CREG2: variants seen among roughly 807,000 people sequenced by gnomAD.
CREG2 encodes the protein cellular repressor of E1A stimulated genes 2.
CREG2 carries 24 observed loss-of-function variants against 26.2 expected under a neutral mutation model. The observed-to-expected ratio is 0.92, with a 90% CI of 0.66 to 1.29. The LOEUF (loss-of-function observed/expected upper bound fraction) is 1.29. Ranked by LOEUF, CREG2 falls within the 50% of genes most tolerant of loss-of-function variation. The probability of loss-of-function intolerance (pLI) is 0.00; values close to 1 mark genes in which losing one functional copy is unlikely to be tolerated. For synonymous variants in CREG2, 174 were observed against 169.2 expected, an observed-to-expected ratio of 1.03 and a Z score of -0.22; for missense variants, 366 against 398.6, an observed-to-expected ratio of 0.92 and a Z score of 0.70.
At chr2:101,363,895 C>T (rs2104475328) in intron 2 of CREG2, among the ~76,000 whole-genome samples, 1 of 151,906 alleles carries the variant, frequency 6.6e-6, no homozygotes, top group African/African-American at 2.4e-5. Context: ...GACACACACA[C>T]AGGAAGAAAG....
chr2:101,379,430 C>T (rs1191874104), intron 2 of CREG2, among the ~76,000 whole-genome samples: 1 of 152,228 alleles, frequency 6.6e-6, no homozygotes, highest in Non-Finnish European at 1.5e-5. Flanking sequence ...GAAATTACAT[C>T]TGCTGAGCAT....
intron 2 of CREG2, among the ~76,000 whole-genome samples, chr2:101,366,605 C>T (rs1018765879): frequency 6.6e-6 from 1 of 152,050 alleles, no homozygotes; most frequent in African/African-American, 2.4e-5. Context: ...GACGGATCAC[C>T]TGAGGTCAGG....
At position 101,387,428 on chromosome 2, in the gene CREG2, C is replaced by T. The variant is rs1328076591; in HGVS notation, c.30G>A (p.Ala10=). 71 of 1,246,078 alleles carry T rather than the reference C, an allele frequency of 5.7e-5. 1 individual carries two copies. In the East Asian group the frequency reaches 2.1e-3, roughly 37 times the overall value. The allele number at this position is 1,246,078 out of a possible 1,614,324, so 77.2% of individuals were successfully genotyped here. ...GCCAGGAGAGGCGGGTCCCCGGCCG[C>T]GCCGGCCGCCGGCCGCGGCGCACGG... is the stretch of plus-strand genomic sequence containing the variant. MSVRRGRRP[A]RPGTRLSWLL... Residue 10 remains alanine (A), a synonymous_variant, in exon 1 of 4, where the codon GCG becomes GCA. Transcript: ENST00000324768. The surrounding 1 kb of genome is among the most constrained non-coding windows in gnomAD (Gnocchi z 4.7).
At chr2:101,376,283 CT>C (rs11325970) in intron 2 of CREG2, among the ~76,000 whole-genome samples, 142,601 of 146,748 alleles carry the variant, frequency 0.97, 69,429 homozygotes, top group Non-Finnish European at 1. Context: ...TTTTCTTTTT[CT>C]TTTTTTTTTT....
chr2:101,351,621 G>A (rs997470680), intron 3 of CREG2, among the ~76,000 whole-genome samples: 4 of 152,178 alleles, frequency 2.6e-5, no homozygotes, highest in African/African-American at 9.7e-5. Flanking sequence ...AGCTACTGAG[G>A]CAGGTGAGAG....
At chr2:101,366,126 A>G (rs900239516) in intron 2 of CREG2, among the ~76,000 whole-genome samples, 42 of 152,164 alleles carry the variant, frequency 2.8e-4, no homozygotes, top group Non-Finnish European at 5.3e-4. Context: ...TAGGAAAACC[A>G]TAAAAGAAAA....
At chr2:101,358,040 C>A (rs1300035722) in intron 2 of CREG2, among the ~76,000 whole-genome samples, 1 of 151,252 alleles carries the variant, frequency 6.6e-6, no homozygotes, top group Non-Finnish European at 1.5e-5. Context: ...GTCTCCCAGG[C>A]TGGAGTGCAG....
intron 2 of CREG2, among the ~76,000 whole-genome samples, chr2:101,374,711 A>T (rs1390838878): frequency 1.3e-5 from 2 of 152,338 alleles, no homozygotes; most frequent in East Asian, 3.9e-4. Flanking sequence ...TGACTGAATG[A>T]ATAGAGTGCT....
At chr2:101,360,419 G>A (rs1684521783) in intron 2 of CREG2, among the ~76,000 whole-genome samples, 1 of 152,126 alleles carries the variant, frequency 6.6e-6, no homozygotes, top group Non-Finnish European at 1.5e-5. Context: ...AGAAAAATAT[G>A]TGCTGTGTGG....
Position 101,387,124 on chromosome 2 carries a change from G to A in CREG2, c.334C>T (p.Gln112Ter). The A allele has an allele frequency of 3.2e-6, 4 of 1,245,706 alleles. No individual in the cohort carries two copies. The highest frequency in any genetic ancestry group is 1.6e-5 in the African/African-American group (1 of 64,406). The allele number at this position is 1,245,706 out of a possible 1,614,324, so 77.2% of individuals were successfully genotyped here. A position where few individuals can be genotyped will look rare whatever the true frequency, so the allele number is the denominator to read the frequency against. The stretch of plus-strand genomic sequence containing the variant: ...GGGCCCGGGGGCGCACTGGCCGTCT[G>A]GCCGCCCTCGCGCCGGTAGGAGAAC... ...GMFSYRREGG[Q>*]TASAPPGPRL... Residue 112 changes from glutamine (Q) to a stop codon, truncating the protein, a stop_gained, in exon 1 of 4, where the codon CAG becomes TAG. Transcript: ENST00000324768. LOFTEE classifies it high-confidence loss of function. This position sits in a 1 kb window ranked among gnomAD's most constrained non-coding sequence, Gnocchi z 4.7.
chr2:101,378,730 C>T (rs925563700), intron 2 of CREG2, among the ~76,000 whole-genome samples: 1 of 152,098 alleles, frequency 6.6e-6, no homozygotes, highest in Non-Finnish European at 1.5e-5. Flanking sequence ...CAACTTTGTT[C>T]CACAGAAATC....
At chr2:101,361,982 T>C (rs1471046247) in intron 2 of CREG2, among the ~76,000 whole-genome samples, 4 of 152,090 alleles carry the variant, frequency 2.6e-5, no homozygotes, top group Non-Finnish European at 4.4e-5. Context: ...TCCACTTCCC[T>C]CTCACACGCA....
chr2:101,383,151 A>T (rs1417785134), intron 2 of CREG2: 1 of 390,830 alleles, frequency 2.6e-6, no homozygotes, highest in East Asian at 1.1e-4. Context: ...CGTGCTGGGG[A>T]GATCAACTAC....
At chr2:101,379,866 T>C (rs1040009912) in intron 2 of CREG2, among the ~76,000 whole-genome samples, 1 of 152,124 alleles carries the variant, frequency 6.6e-6, no homozygotes, top group African/African-American at 2.4e-5. Context: ...AGCTGCTGGA[T>C]TGGGGATGAA....
At chr2:101,351,487 G>A (rs1684380976) in intron 3 of CREG2, among the ~76,000 whole-genome samples, 1 of 152,146 alleles carries the variant, frequency 6.6e-6, no homozygotes, top group South Asian at 2.1e-4. Flanking sequence ...AGTGGAGGCT[G>A]GTTACCATTC....
chr2:101,370,889 T>C lies in CREG2; in HGVS notation c.611+12644A>G, dbSNP rs575191543. Among the ~76,000 whole-genome samples the C allele has an allele frequency of 2.6e-5, 4 of 152,288 alleles. No homozygotes were observed. In the South Asian group the frequency reaches 8.3e-4, roughly 32 times the overall value. The stretch of plus-strand genomic sequence containing the variant: ...CTCTTGGCTCATCTTCAGGATCAGG[T>C]GATCCTCTGGGACTGAAACGGGGCA... On this transcript the variant is annotated intron_variant, in intron 2 of 3. Coordinates refer to ENST00000324768, the MANE Select transcript of CREG2 (RefSeq NM_153836.4).
intron 2 of CREG2, among the ~76,000 whole-genome samples, chr2:101,361,142 T>C (rs535493312): frequency 6.0e-4 from 91 of 152,372 alleles, no homozygotes; most frequent in Non-Finnish European, 1.1e-3. Context: ...TTTGCTTCTC[T>C]ACTGTGGGTA....
intron 2 of CREG2, among the ~76,000 whole-genome samples, chr2:101,371,581 G>A (rs1212394147): frequency 6.6e-6 from 1 of 152,220 alleles, no homozygotes; most frequent in East Asian, 1.9e-4. Context: ...ATGAAAGGCA[G>A]GAGTGGATGG....
At chr2:101,360,492 T>C (rs2104473440) in intron 2 of CREG2, among the ~76,000 whole-genome samples, 1 of 152,118 alleles carries the variant, frequency 6.6e-6, no homozygotes, top group East Asian at 1.9e-4. Context: ...CCCAGCACTT[T>C]GGGAGGCCAA....
Sources: gnomAD v4.1 joint callset for allele counts (sites outside exome capture counted in the v4.1 genomes callset) on GRCh38, gnomAD v4.1.1 for gene constraint, Gnocchi (gnomAD v3.1) non-coding constraint, MANE v1.5 for transcripts, NCBI Gene and HGNC (gene_info 2026-07-23, HGNC 2026-07-21) for gene names.